The following APBB1 variants were observed in gnomAD, a reference collection of about 807,000 sequenced individuals.
APBB1 encodes the protein amyloid beta precursor protein binding family B member 1.
APBB1 carries 22 observed loss-of-function variants against 78.4 expected under a neutral mutation model. The ratio of observed to expected loss-of-function variants is 0.28; its 90% CI spans 0.20 to 0.40. The LOEUF is 0.40. APBB1 is among the 10% of genes least tolerant of loss of function. APBB1 has a pLI of 1.00. For missense variants in APBB1, 749 were observed against 932.4 expected, an observed-to-expected ratio of 0.80 and a Z score of 2.56; for synonymous variants, 369 against 372.7, an observed-to-expected ratio of 0.99 and a Z score of 0.12.
Position 6,401,725 on chromosome 11 carries a change from C to A in APBB1, c.1389-37G>T. 6.2e-7 allele frequency: 1 copy of A among 1,607,728 alleles called. No individual in the cohort carries two copies. Among genetic ancestry groups the A allele is most frequent in the East Asian group, 2.2e-5 (1 of 44,830 alleles). On this transcript the variant is annotated intron_variant, in intron 9 of 14. Transcript: ENST00000609360. This position sits in a 1 kb window ranked among gnomAD's most constrained non-coding sequence, Gnocchi z 4.5. ...GGGGCACCTCAGTGTCTCCCAGTACCATCCAGTGCTGAGCCTGGTCCCCAC... is the reference window on the plus strand; with the variant it reads ...GGGGCACCTCAGTGTCTCCCAGTACAATCCAGTGCTGAGCCTGGTCCCCAC...
chr11:6,416,501 C>T (rs955894742), intron 1 of APBB1, among the ~76,000 whole-genome samples: 3 of 152,184 alleles, frequency 2.0e-5, no homozygotes, highest in Admixed American at 6.5e-5. Context: ...AATAGACCCA[C>T]TCATGTTTCC....
At chr11:6,405,645 A>G in intron 2 of APBB1, 1 of 985,856 alleles carries the variant, frequency 1.0e-6, no homozygotes, top group Non-Finnish European at 1.2e-6. Context: ...GTGCTTCACC[A>G]TCCTCAGCTT....
intron 1 of APBB1, among the ~76,000 whole-genome samples, chr11:6,414,258 C>T (rs78891627): frequency 0.02 from 3,059 of 152,252 alleles, 44 homozygotes; most frequent in Non-Finnish European, 0.032. Flanking sequence ...ATTCTGTCTC[C>T]CCTTGTGAGA....
In APBB1 at chr11:6,401,893, G is replaced by T; in HGVS notation, c.1388+84C>A. On this transcript the variant is annotated intron_variant, in intron 9 of 14. Coordinates refer to ENST00000609360, the MANE Select transcript of APBB1 (RefSeq NM_001164.5). The surrounding 1 kb of genome is among the most constrained non-coding windows in gnomAD (Gnocchi z 4.5). ...AGGGTAATGGTGGAGCATAGCGGGT[G>T]GGAAGGGGCAGGGCAGAAGAGGGGA... 1.3e-6 allele frequency: 2 copies of T among 1,534,406 alleles called. No homozygotes were observed. The highest frequency in any genetic ancestry group is 1.2e-5 in the South Asian group (1 of 83,440).
At position 6,403,863 on chromosome 11, in the gene APBB1, G is replaced by A. The variant is rs375377221; in HGVS notation, c.722-41C>T. 7.2e-6 allele frequency: 11 copies of A among 1,518,720 alleles called. No homozygotes were observed. The highest frequency in any genetic ancestry group is 5.3e-5 in the South Asian group (4 of 75,984). The allele number at this position is 1,518,720 out of a possible 1,614,324, so 94.1% of individuals were successfully genotyped here. On this transcript the variant is annotated intron_variant, in intron 2 of 14. Coordinates refer to ENST00000609360, the MANE Select transcript of APBB1 (RefSeq NM_001164.5). The surrounding 1 kb of genome is among the most constrained non-coding windows in gnomAD (Gnocchi z 5.3). ...CTTGGTGAGGGTCAGCCTACCCAAA[G>A]AGCAGACAGCTGGTGCCTATGCCCG...
chr11:6,418,950 C>T (rs1849189500), intron 1 of APBB1, 35 bp downstream of exon 1: 1 of 388,430 alleles, frequency 2.6e-6, no homozygotes, highest in Non-Finnish European at 4.6e-6. Context: ...GGGACGCAGC[C>T]ACCGGGGCTG....
At chr11:6,404,939 G>GCAA (rs1848733157) in intron 2 of APBB1, 1 of 1,444,024 alleles carries the variant, frequency 6.9e-7, no homozygotes, top group Non-Finnish European at 9.1e-7. Flanking sequence ...CGTCTGCCAG[G>GCAA]CAAGATCCTC....
intron 12 of APBB1, among the ~76,000 whole-genome samples, chr11:6,400,170 T>A (rs898485718): frequency 1.2e-4 from 18 of 152,180 alleles, no homozygotes; most frequent in African/African-American, 4.3e-4. Flanking sequence ...GCCTGCCACA[T>A]GGTAAGCTTC....
intron 2 of APBB1, among the ~76,000 whole-genome samples, chr11:6,408,650 G>A (rs1160473379): frequency 6.6e-6 from 1 of 152,012 alleles, no homozygotes. Flanking sequence ...GATTACAGGC[G>A]TTTGTAACCA....
chr11:6,418,880 G>A, intron 1 of APBB1, 105 bp downstream of exon 1: 1 of 359,656 alleles, frequency 2.8e-6, no homozygotes. Flanking sequence ...GATGGGGCCG[G>A]CCGGGGGACC....
chr11:6,417,166 C>G (rs2723667), intron 1 of APBB1, among the ~76,000 whole-genome samples: 39,936 of 152,104 alleles, frequency 0.26, 5,422 homozygotes, highest in Admixed American at 0.32. Flanking sequence ...TCTGATTCCT[C>G]GAAGACATGT....
chr11:6,400,350 T>C (rs1400682123), intron 12 of APBB1, among the ~76,000 whole-genome samples: 3 of 152,122 alleles, frequency 2.0e-5, no homozygotes, highest in African/African-American at 4.8e-5. Flanking sequence ...AGACCAGCCC[T>C]GGCCAACACA....
chr11:6,410,844 CTCT>C lies in APBB1; in HGVS notation c.501_503del (p.Glu171del), dbSNP rs898286650. 6.2e-7 allele frequency: 1 copy of C among 1,613,822 alleles called. No homozygotes were observed. Among genetic ancestry groups the C allele is most frequent in the Non-Finnish European group, 8.5e-7 (1 of 1,179,904 alleles). ...GGGGAGAAGATAAGTCCTCCTCCTC[CTCT>C]TCATCATCATCATCCTCCTCCTCCT... On this transcript the variant is annotated inframe_deletion, in exon 2 of 15. Transcript: ENST00000609360.
chr11:6,395,585 C>T lies in APBB1; in HGVS notation c.2082G>A (p.Gln694=), dbSNP rs767793385. ...RVGWTVRRGV[Q]SLWGSLKPKR... Reference sequence around the variant, plus strand: ...TGGGCTTCAGGGAGCCCCACAGCGACTGAACACCCCTGCGGACAGTCCACC... The same window carrying T: ...TGGGCTTCAGGGAGCCCCACAGCGATTGAACACCCCTGCGGACAGTCCACC... Residue 694 remains glutamine, a synonymous_variant, in exon 15 of 15, where the codon CAG becomes CAA. Coordinates refer to ENST00000609360, the MANE Select transcript of APBB1 (RefSeq NM_001164.5). The surrounding 1 kb of genome is among the most constrained non-coding windows in gnomAD (Gnocchi z 5.2). The T allele has an allele frequency of 6.3e-7, 1 of 1,585,288 alleles. No homozygotes were observed. The highest frequency in any genetic ancestry group is 8.6e-7 in the Non-Finnish European group (1 of 1,163,954).
At chr11:6,404,590 T>C (rs2134082766) in intron 2 of APBB1, 3 of 1,536,116 alleles carry the variant, frequency 2.0e-6, no homozygotes, top group East Asian at 2.4e-5. Flanking sequence ...AAACATGTCA[T>C]GCACATACAC....
Position 6,411,145 on chromosome 11 carries a change from T to C in APBB1, c.203A>G (p.Lys68Arg). Residue 68 changes from lysine (K) to arginine (R), a missense_variant, in exon 2 of 15, where the codon AAG becomes AGG. Around this residue, in one of 3 missense-constraint regions of APBB1, gnomAD observed 635 missense variants for 765.0 expected, o/e 0.83. Coordinates refer to ENST00000609360, the MANE Select transcript of APBB1 (RefSeq NM_001164.5). The surrounding 1 kb of genome is among the most constrained non-coding windows in gnomAD (Gnocchi z 5.2). ...GGPEPGPANA[K>R]WLKEGQNQLR... The stretch of plus-strand genomic sequence containing the variant: ...CTGGTTCTGGCCCTCTTTTAGCCAC[T>C]TGGCATTGGCAGGGCCTGGCTCAGG... 2 of 1,610,226 alleles carry C rather than the reference T, an allele frequency of 1.2e-6. No homozygotes were observed. The highest frequency in any genetic ancestry group is 2.2e-5 in the East Asian group (1 of 44,864).
chr11:6,407,686 C>T (rs1019715736), intron 2 of APBB1, among the ~76,000 whole-genome samples: 5 of 152,178 alleles, frequency 3.3e-5, no homozygotes, highest in African/African-American at 7.2e-5. Context: ...GGGGCTGTTC[C>T]TTTTAAAAGG....
At chr11:6,413,127 T>C (rs150501819) in intron 1 of APBB1, among the ~76,000 whole-genome samples, 5 of 151,852 alleles carry the variant, frequency 3.3e-5, no homozygotes, top group Admixed American at 6.6e-5. Flanking sequence ...CAGCCCCCGA[T>C]TTCAGTTATT....
At chr11:6,415,350 A>G (rs1849092855) in intron 1 of APBB1, among the ~76,000 whole-genome samples, 1 of 152,226 alleles carries the variant, frequency 6.6e-6, no homozygotes, top group Non-Finnish European at 1.5e-5. Flanking sequence ...AGCTTCCCAT[A>G]TGCCAGGCAC....
Sources: gnomAD v4.1 joint callset for allele counts (sites outside exome capture counted in the v4.1 genomes callset) on GRCh38, gnomAD v4.1.1 for gene constraint, gnomAD v4.1.1 regional missense constraint, Gnocchi (gnomAD v3.1) non-coding constraint, MANE v1.5 for transcripts, NCBI Gene and HGNC (gene_info 2026-07-23, HGNC 2026-07-21) for gene names.